DMGDH: variants seen among roughly 807,000 people sequenced by gnomAD.
The protein encoded by DMGDH is dimethylglycine dehydrogenase.
Under a neutral mutation model 95.2 loss-of-function variants are expected in DMGDH, and 76 were observed. That is an observed-to-expected ratio of 0.80 (90% CI 0.66 to 0.97). DMGDH has a LOEUF of 0.97. DMGDH is among the 50% of genes least tolerant of loss of function. The probability of loss-of-function intolerance (pLI) is 0.00; values close to 1 mark genes in which losing one functional copy is unlikely to be tolerated. For missense variants in DMGDH, 987 were observed against 1,055.0 expected (o/e 0.94, Z 0.89); for synonymous variants, 345 against 377.6 (o/e 0.91, Z 1.00).
chr5:79,016,990 G>A (rs1753745569), intron 14 of DMGDH, among the ~76,000 whole-genome samples: 1 of 152,074 alleles, frequency 6.6e-6, no homozygotes, highest in African/African-American at 2.4e-5. Flanking sequence ...GGTTATCCAA[G>A]TACAAATAAA....
At chr5:79,054,602 T>C (rs901667540) in intron 3 of DMGDH, among the ~76,000 whole-genome samples, 5 of 152,220 alleles carry the variant, frequency 3.3e-5, no homozygotes, top group Non-Finnish European at 7.3e-5. Context: ...GTAAAGACTC[T>C]GCCTAAGTGG....
chr5:78,999,722 C>T (rs1349282534), intron 15 of DMGDH, among the ~76,000 whole-genome samples: 1 of 152,194 alleles, frequency 6.6e-6, no homozygotes, highest in Non-Finnish European at 1.5e-5. Context: ...AATGTGAATA[C>T]ATTCATTAGT....
chr5:79,045,658 G>A (rs890153370), intron 5 of DMGDH, among the ~76,000 whole-genome samples: 1 of 151,508 alleles, frequency 6.6e-6, no homozygotes, highest in Non-Finnish European at 1.5e-5. Context: ...GATGATTTGG[G>A]GGCAGGGAGT....
chr5:79,059,159 A>G (rs1755121667), intron 2 of DMGDH, among the ~76,000 whole-genome samples: 1 of 152,250 alleles, frequency 6.6e-6, no homozygotes, highest in Non-Finnish European at 1.5e-5. Flanking sequence ...TGTGTAGAAA[A>G]GCTTTTGAAT....
intron 5 of DMGDH, 33 bp from the exon 6 acceptor site, chr5:79,044,585 C>T: frequency 6.2e-7 from 1 of 1,611,760 alleles, no homozygotes; most frequent in South Asian, 1.1e-5. Context: ...AAGTGTCAGC[C>T]CATATATAAA....
chr5:79,026,602 C>A, intron 12 of DMGDH, 21 bp from the exon 13 acceptor site: 1 of 1,613,972 alleles, frequency 6.2e-7, no homozygotes, highest in Non-Finnish European at 8.5e-7. Context: ...CCCACAGGTG[C>A]CACAGCAGGG....
At position 79,034,266 on chromosome 5, in the gene DMGDH, C is replaced by T. The variant is rs1397299537; in HGVS notation, c.1194-858G>A. 3.9e-5 allele frequency among the ~76,000 whole-genome samples: 6 copies of T among 152,272 alleles called. 1 individual carries two copies. Among genetic ancestry groups the T allele is most frequent in the Non-Finnish European group, 8.8e-5 (6 of 68,010 alleles). ...TCTTAGAAACATTCAGGCAAAGAGG[C>T]CCTCACCTGAGGACTTGTGGAAAGA... On this transcript the variant is annotated intron_variant, in intron 7 of 15. Transcript: ENST00000255189.
intron 7 of DMGDH, among the ~76,000 whole-genome samples, chr5:79,041,484 A>G (rs765744879): frequency 3.9e-5 from 6 of 152,238 alleles, no homozygotes; most frequent in Non-Finnish European, 8.8e-5. Flanking sequence ...ATAAATAGAA[A>G]GCAACCTGAG....
chr5:79,069,569 G>GGCT lies in DMGDH; in HGVS notation c.51_52insAGC (p.Cys17_Pro18insSer). 1 of 1,348,672 alleles carries GGCT rather than the reference G, an allele frequency of 7.4e-7. No individual in the cohort carries two copies. The highest frequency in any genetic ancestry group is 9.5e-7 in the Non-Finnish European group (1 of 1,051,114). The allele number at this position is 1,348,672 out of a possible 1,614,324, so 83.5% of individuals were successfully genotyped here. ...GGGCGCCCGGGGGAGCCCTGCAGCG[G>GGCT]GCAGCTCCGCAGCAGGAGGCCCCGC... On this transcript the variant is annotated inframe_insertion, in exon 1 of 16. Transcript: ENST00000255189.
intron 14 of DMGDH, among the ~76,000 whole-genome samples, chr5:79,011,527 G>C (rs1021566283): frequency 6.6e-5 from 10 of 152,178 alleles, no homozygotes; most frequent in Non-Finnish European, 1.2e-4. Context: ...CCCTGTATTA[G>C]TCTGCTCTTG....
chr5:79,028,055 G>A (rs1754049622), intron 12 of DMGDH, among the ~76,000 whole-genome samples: 1 of 151,974 alleles, frequency 6.6e-6, no homozygotes, highest in Non-Finnish European at 1.5e-5. Flanking sequence ...GGTCAGGCTT[G>A]TCTCGAACTC....
intron 14 of DMGDH, among the ~76,000 whole-genome samples, chr5:79,023,121 A>G (rs1205441382): frequency 4.6e-5 from 7 of 152,230 alleles, no homozygotes; most frequent in African/African-American, 1.4e-4. Flanking sequence ...GTTTTATTTT[A>G]ATATTATAGC....
At chr5:79,021,237 G>A in intron 14 of DMGDH, 1 of 1,010,340 alleles carries the variant, frequency 9.9e-7, no homozygotes, top group Non-Finnish European at 1.2e-6. Context: ...CTCCACTTGC[G>A]GAAGGGTTAT....
At chr5:79,025,773 G>A (rs1037809183) in intron 13 of DMGDH, among the ~76,000 whole-genome samples, 2 of 152,154 alleles carry the variant, frequency 1.3e-5, no homozygotes, top group African/African-American at 4.8e-5. Context: ...ACTGGGTCCA[G>A]GGATAGCCTG....
chr5:79,028,672 G>C (rs1388384329), intron 11 of DMGDH, 22 bp from the exon 12 acceptor site: 1 of 1,609,374 alleles, frequency 6.2e-7, no homozygotes, highest in African/African-American at 1.3e-5. Flanking sequence ...TCATGAACAT[G>C]GTGTTAAATA....
At position 79,033,422 on chromosome 5, in the gene DMGDH, G is replaced by A. The variant is rs1281522529; in HGVS notation, c.1194-14C>T. ...ATTATGCCATATCTTTCAAATACAG[G>A]GATAGAAAACCCATTACTAACACAT... On this transcript the variant is annotated splice_polypyrimidine_tract_variant and intron_variant, in intron 7 of 15. Transcript: ENST00000255189. 2 of 1,613,702 alleles carry A rather than the reference G, an allele frequency of 1.2e-6. No homozygotes were observed. Among genetic ancestry groups the A allele is most frequent in the African/African-American group, 1.3e-5 (1 of 74,980 alleles).
intron 7 of DMGDH, among the ~76,000 whole-genome samples, chr5:79,036,745 A>G (rs2112636213): frequency 6.6e-6 from 1 of 152,314 alleles, no homozygotes; most frequent in Non-Finnish European, 1.5e-5. Context: ...CCGGACCACT[A>G]AATCAGAATC....
chr5:79,063,442 A>C (rs996818514), intron 2 of DMGDH, among the ~76,000 whole-genome samples, 171 bp downstream of exon 2: 6 of 152,174 alleles, frequency 3.9e-5, no homozygotes, highest in African/African-American at 1.2e-4. Context: ...AGACATCATA[A>C]ATATTGGTTG....
chr5:79,058,813 T>A (rs899315799), intron 2 of DMGDH, among the ~76,000 whole-genome samples: 20 of 152,342 alleles, frequency 1.3e-4, no homozygotes, highest in African/African-American at 4.8e-4. Flanking sequence ...ATAGAAGGAA[T>A]GATGGAGTTA....
Sources: allele counts gnomAD v4.1 joint callset (sites outside exome capture counted in the v4.1 genomes callset), GRCh38; gene constraint gnomAD v4.1.1; transcripts MANE v1.5; gene names NCBI Gene and HGNC (gene_info 2026-07-23, HGNC 2026-07-21).